THEMIS: variants seen among roughly 807,000 people sequenced by gnomAD.
The protein encoded by THEMIS is thymocyte selection associated, also known as protein THEMIS.
In THEMIS, 37 loss-of-function variants were observed where a neutral mutation model predicts 52.6. That is an observed-to-expected ratio of 0.70 (90% CI 0.54 to 0.93). The LOEUF is 0.93. Among genes scored for constraint, THEMIS ranks in the 40% least tolerant of loss-of-function variants. THEMIS has a pLI of 0.00. For synonymous variants in THEMIS, 292 were observed against 272.7 expected, an observed-to-expected ratio of 1.07 and a Z score of -0.70; for missense variants, 808 against 763.1, an observed-to-expected ratio of 1.06 and a Z score of -0.69.
intron 4 of THEMIS, among the ~76,000 whole-genome samples, chr6:127,754,253 G>A (rs964896083): frequency 6.6e-6 from 1 of 152,182 alleles, no homozygotes; most frequent in Non-Finnish European, 1.5e-5. Context: ...TCAACCATGT[G>A]TCTAGGTTTC....
At chr6:127,873,453 T>TAAAGG (rs942732421) in intron 1 of THEMIS, among the ~76,000 whole-genome samples, 1 of 152,154 alleles carries the variant, frequency 6.6e-6, no homozygotes, top group Admixed American at 6.6e-5. Flanking sequence ...ATATACGTAT[T>TAAAGG]AAAGGAAGAA....
At chr6:127,872,212 G>A (rs1439663231) in intron 1 of THEMIS, among the ~76,000 whole-genome samples, 1 of 152,116 alleles carries the variant, frequency 6.6e-6, no homozygotes, top group Non-Finnish European at 1.5e-5. Flanking sequence ...GGCAGCAGGT[G>A]CAAATGATCA....
chr6:127,787,850 TATAGATAG>T (rs149637898), intron 4 of THEMIS, among the ~76,000 whole-genome samples: 27 of 137,606 alleles, frequency 2.0e-4, no homozygotes, highest in Non-Finnish European at 2.8e-4. Context: ...GATAGACAGA[TATAGATAG>T]ATAGATAGAT....
chr6:127,847,312 G>A (rs1267510988), intron 2 of THEMIS, among the ~76,000 whole-genome samples: 1 of 151,776 alleles, frequency 6.6e-6, no homozygotes, highest in African/African-American at 2.4e-5. Flanking sequence ...AGAAATAAAG[G>A]GCATCCAAAT....
intron 4 of THEMIS, among the ~76,000 whole-genome samples, chr6:127,737,658 C>T (rs1232755361): frequency 6.6e-6 from 1 of 152,186 alleles, no homozygotes; most frequent in Non-Finnish European, 1.5e-5. Context: ...TTACTCACTA[C>T]ATGGGCACAA....
At chr6:127,776,594 T>C (rs1222152093) in intron 4 of THEMIS, among the ~76,000 whole-genome samples, 1 of 152,234 alleles carries the variant, frequency 6.6e-6, no homozygotes, top group Non-Finnish European at 1.5e-5. Flanking sequence ...TGAGGTAGCA[T>C]CATAAAAGAC....
chr6:127,910,276 CTG>C (rs1416615234), intron 1 of THEMIS, among the ~76,000 whole-genome samples: 1 of 152,044 alleles, frequency 6.6e-6, no homozygotes, highest in Non-Finnish European at 1.5e-5. Flanking sequence ...CAATTAAACT[CTG>C]AGAGCATTGC....
chr6:127,698,743 C>T, the THEMIS span, among the ~76,000 whole-genome samples: 1 of 151,896 alleles, frequency 6.6e-6, no homozygotes. Context: ...GGGTAGAAGT[C>T]CCCACCCAGG....
At chr6:127,734,637 G>A (rs888610409) in intron 4 of THEMIS, among the ~76,000 whole-genome samples, 1 of 151,824 alleles carries the variant, frequency 6.6e-6, no homozygotes, top group Admixed American at 6.6e-5. Flanking sequence ...TTGGGAGGCC[G>A]AGGCAGGCCG....
chr6:127,885,353 T>A (rs2114446983), intron 1 of THEMIS, among the ~76,000 whole-genome samples: 1 of 152,280 alleles, frequency 6.6e-6, no homozygotes, highest in Non-Finnish European at 1.5e-5. Flanking sequence ...CTAGCAAAAT[T>A]ATTACTACTT....
intron 1 of THEMIS, among the ~76,000 whole-genome samples, chr6:127,873,341 T>C (rs1780212346): frequency 6.6e-6 from 1 of 152,124 alleles, no homozygotes; most frequent in African/African-American, 2.4e-5. Context: ...TAAAACAATT[T>C]CGTAAAAGAA....
At chr6:127,798,962 A>C (rs894347550) in intron 4 of THEMIS, among the ~76,000 whole-genome samples, 8 of 148,798 alleles carry the variant, frequency 5.4e-5, no homozygotes, top group African/African-American at 1.7e-4. Context: ...ACTGCAGTCC[A>C]GCCTGGGCGA....
chr6:127,901,019 T>TCAC lies in THEMIS; in HGVS notation c.-90_-88dup, dbSNP rs1357922942. On this transcript the variant is annotated 5_prime_UTR_variant, in exon 1 of 6. Coordinates refer to ENST00000368248, the MANE Select transcript of THEMIS (RefSeq NM_001010923.3). ...ACTTGTCTGCAATTGCAGCCCCTGCTCACCATTTCTTCCTCAGGCAGGCAG... is the reference window on the plus strand; with the variant it reads ...ACTTGTCTGCAATTGCAGCCCCTGCTCACCACCATTTCTTCCTCAGGCAGGCAG... The TCAC allele has an allele frequency of 2.0e-6, 2 of 1,021,900 alleles. No homozygotes were observed. Among genetic ancestry groups the TCAC allele is most frequent in the African/African-American group, 1.6e-5 (1 of 63,212 alleles). The allele number at this position is 1,021,900 out of a possible 1,614,324, so 63.3% of individuals were successfully genotyped here. A position where few individuals can be genotyped will look rare whatever the true frequency, so the allele number is the denominator to read the frequency against.
At chr6:127,722,221 T>C (rs918977175) in intron 4 of THEMIS, among the ~76,000 whole-genome samples, 4 of 151,998 alleles carry the variant, frequency 2.6e-5, no homozygotes, top group Admixed American at 1.3e-4. Context: ...AGCTTCTCTT[T>C]TACATTACAT....
chr6:127,768,569 C>T (rs1335620218), intron 4 of THEMIS, among the ~76,000 whole-genome samples: 1 of 152,086 alleles, frequency 6.6e-6, no homozygotes, highest in Admixed American at 6.6e-5. Flanking sequence ...AGGAAAATTT[C>T]TTTTATAAAA....
chr6:127,762,715 T>C lies in THEMIS; in HGVS notation c.1759-42892A>G, dbSNP rs558607855. Among the ~76,000 whole-genome samples the C allele has an allele frequency of 9.2e-5, 14 of 152,186 alleles. No homozygotes were observed. The East Asian group carries it at 1.4e-3, about 15-fold the overall frequency. ...TCACCATCTCCATTATTTCCTCTAC[T>C]CAATCTAAACAGTTTTCAATACTCA... On this transcript the variant is annotated intron_variant, in intron 4 of 5. Coordinates refer to ENST00000368248, the MANE Select transcript of THEMIS (RefSeq NM_001010923.3).
intron 5 of THEMIS, among the ~76,000 whole-genome samples, chr6:127,716,445 A>AG (rs1407063344): frequency 6.6e-6 from 1 of 151,888 alleles, no homozygotes; most frequent in Non-Finnish European, 1.5e-5. Context: ...GACCCTTCTC[A>AG]GGGACAGCTG....
upstream of THEMIS, among the ~76,000 whole-genome samples, chr6:127,903,511 T>A (rs543795952): frequency 3.9e-5 from 6 of 152,076 alleles, no homozygotes; most frequent in East Asian, 9.7e-4. Flanking sequence ...GTTAAATAAT[T>A]GGGGAGAAAA....
intron 5 of THEMIS, among the ~76,000 whole-genome samples, chr6:127,714,930 T>G (rs1395653773): frequency 1.3e-5 from 2 of 151,838 alleles, no homozygotes; most frequent in Non-Finnish European, 1.5e-5. Context: ...GGCTTGCGAG[T>G]AAGATTTCCA....
Sources: gnomAD v4.1 joint callset for allele counts (sites outside exome capture counted in the v4.1 genomes callset) on GRCh38, gnomAD v4.1.1 for gene constraint, MANE v1.5 for transcripts, NCBI Gene and HGNC (gene_info 2026-07-23, HGNC 2026-07-21) for gene names.